The following AKAP8 variants were observed in gnomAD, a reference collection of about 807,000 sequenced individuals.
AKAP8 encodes A-kinase anchor protein 8.
A neutral mutation model predicts 67.5 loss-of-function variants in AKAP8; 24 were observed. The observed-to-expected ratio is 0.36, with a 90% confidence interval of 0.26 to 0.50. The LOEUF (loss-of-function observed/expected upper bound fraction) is 0.50. Among genes scored for constraint, AKAP8 ranks in the 20% least tolerant of loss-of-function variants. The pLI is 0.97. For missense variants in AKAP8, 971 were observed against 955.9 expected (o/e 1.02, Z -0.21); for synonymous variants, 400 against 371.1 (o/e 1.08, Z -0.90).
At chr19:15,363,041 C>T (rs1325919655) in intron 9 of AKAP8, among the ~76,000 whole-genome samples, 1 of 151,746 alleles carries the variant, frequency 6.6e-6, no homozygotes, top group African/African-American at 2.4e-5. Flanking sequence ...GCGTCTCTGC[C>T]TGGCCGCCCT....
chr19:15,378,673 T>C lies in AKAP8; in HGVS notation c.19+1040A>G, dbSNP rs545486056. On this transcript the variant is annotated intron_variant, in intron 1 of 13. Coordinates refer to ENST00000269701, the MANE Select transcript of AKAP8 (RefSeq NM_005858.4). The stretch of plus-strand genomic sequence containing the variant: ...TTCTGGTGCTGGGATACTTTTGCCC[T>C]GCCACTTCTCAAGATCGACAACTTC... 5.3e-5 allele frequency among the ~76,000 whole-genome samples: 8 copies of C among 152,320 alleles called. No homozygotes were observed. In the South Asian group the frequency reaches 8.3e-4, roughly 16 times the overall value.
chr19:15,366,147 G>A (rs1249361454), intron 9 of AKAP8, among the ~76,000 whole-genome samples: 80 of 22,172 alleles, frequency 3.6e-3, no homozygotes, highest in East Asian at 0.015. Flanking sequence ...TGAAAAAAAA[G>A]CAAAAAGAAA....
chr19:15,363,408 G>A (rs1400937648), intron 9 of AKAP8, among the ~76,000 whole-genome samples: 9 of 143,468 alleles, frequency 6.3e-5, no homozygotes, highest in Non-Finnish European at 1.1e-4. Flanking sequence ...AGTGAGGGGC[G>A]CCTCTGCCCG....
At chr19:15,370,625 CTTTTT>C (rs71176407) in intron 7 of AKAP8, among the ~76,000 whole-genome samples, 1 of 80,966 alleles carries the variant, frequency 1.2e-5, no homozygotes, top group Non-Finnish European at 2.2e-5. Context: ...TACCCAATGT[CTTTTT>C]TTTTTTTTTT....
chr19:15,377,343 G>A (rs1211038411), intron 1 of AKAP8, among the ~76,000 whole-genome samples: 2 of 152,160 alleles, frequency 1.3e-5, no homozygotes, highest in Admixed American at 6.5e-5. Context: ...TCAGCATGAG[G>A]ACACGTTCCC....
chr19:15,362,327 G>A, intron 9 of AKAP8, 76 bp from the exon 10 acceptor site: 1 of 1,522,502 alleles, frequency 6.6e-7, no homozygotes, highest in East Asian at 2.3e-5. Context: ...GCTCACCTCT[G>A]AGGAGAGCTG....
At chr19:15,361,533 T>A (rs1319353202) in intron 11 of AKAP8, 196 bp downstream of exon 11, 4 of 488,638 alleles carry the variant, frequency 8.2e-6, no homozygotes, top group Non-Finnish European at 1.5e-5. Flanking sequence ...TGTATTTTTT[T>A]AGTAGAGACG....
intron 9 of AKAP8, among the ~76,000 whole-genome samples, chr19:15,366,821 C>G (rs967643278): frequency 6.6e-6 from 1 of 152,142 alleles, no homozygotes; most frequent in East Asian, 1.9e-4. Context: ...GTTGGTCAGG[C>G]TGGTCTCGAA....
chr19:15,366,234 A>C (rs79489693), intron 9 of AKAP8, among the ~76,000 whole-genome samples: 2,498 of 150,894 alleles, frequency 0.017, 64 homozygotes, highest in African/African-American at 0.057. Flanking sequence ...AGGCCAACGC[A>C]GGAAGATCTC....
chr19:15,377,884 T>C (rs1400493616), intron 1 of AKAP8, among the ~76,000 whole-genome samples: 4 of 152,180 alleles, frequency 2.6e-5, no homozygotes, highest in African/African-American at 7.2e-5. Flanking sequence ...CCGCCCACTA[T>C]GGCATCTGTC....
chr19:15,358,515 C>T (rs1966914357), intron 13 of AKAP8, among the ~76,000 whole-genome samples: 1 of 151,982 alleles, frequency 6.6e-6, no homozygotes, highest in South Asian at 2.1e-4. Context: ...CCCGGTTCCC[C>T]GCTTTCCTTT....
chr19:15,373,653 G>A lies in AKAP8; in HGVS notation c.371+133C>T, dbSNP rs964867632. On this transcript the variant is annotated intron_variant, in intron 4 of 13. Transcript: ENST00000269701. ...TACTGTAACATCACTGACCCCCCAC[G>A]AGCCCAACTCGTCAATGCCACACCC... The A allele has an allele frequency of 3.0e-5, 35 of 1,171,134 alleles. 1 individual carries two copies. Among genetic ancestry groups the A allele is most frequent in the Non-Finnish European group, 3.6e-5 (31 of 858,180 alleles). The allele number at this position is 1,171,134 out of a possible 1,614,324, so 72.5% of individuals were successfully genotyped here.
At chr19:15,372,090 C>T in intron 6 of AKAP8, 92 bp from the exon 7 acceptor site, 1 of 1,608,642 alleles carries the variant, frequency 6.2e-7, no homozygotes, top group South Asian at 1.1e-5. Context: ...GGTGAGTCTG[C>T]CCTGACCACA....
intron 12 of AKAP8, 89 bp downstream of exon 12, chr19:15,360,759 A>C: frequency 6.8e-7 from 1 of 1,470,506 alleles, no homozygotes; most frequent in South Asian, 1.4e-5. Context: ...AGAACCCCTA[A>C]AGATGTTGTT....
chr19:15,374,604 T>A lies in AKAP8; in HGVS notation c.90A>T (p.Gln30His). The A allele has an allele frequency of 6.3e-7, 1 of 1,593,202 alleles. No homozygotes were observed. The highest frequency in any genetic ancestry group is 1.1e-5 in the South Asian group (1 of 90,752). Residue 30 changes from glutamine (Q) to histidine (H), a missense_variant and splice_region_variant, in exon 3 of 14, where the codon CAA becomes CAT. By Grantham distance (24) the Gln-to-His change is conservative (BLOSUM62 0). Around this residue, in one of 3 missense-constraint regions of AKAP8, gnomAD observed 763 missense variants for 745.4 expected, o/e 1.02. Coordinates refer to ENST00000269701, the MANE Select transcript of AKAP8 (RefSeq NM_005858.4). Reference sequence around the variant, plus strand: ...GACCCCCCCCACAGAAGGGCTTACCTTGCCAGCTGGCCACACCAGTTCCAT... The same window carrying A: ...GACCCCCCCCACAGAAGGGCTTACCATGCCAGCTGGCCACACCAGTTCCAT... Reference protein sequence around the residue: ...GAYGTGVASWQGYENYNYYGA... With the variant: ...GAYGTGVASWHGYENYNYYGA...
At chr19:15,356,888 T>C (rs1966891664) in intron 13 of AKAP8, among the ~76,000 whole-genome samples, 1 of 152,176 alleles carries the variant, frequency 6.6e-6, no homozygotes, top group Middle Eastern at 3.4e-3. Context: ...TCCAACACTT[T>C]GGGAGGCGGA....
At chr19:15,375,326 C>T (rs976485865) in intron 2 of AKAP8, among the ~76,000 whole-genome samples, 2 of 152,342 alleles carry the variant, frequency 1.3e-5, no homozygotes, top group Admixed American at 6.5e-5. Flanking sequence ...CAGCCCACTT[C>T]CCGCCTTGGC....
intron 1 of AKAP8, 155 bp downstream of exon 1, chr19:15,379,558 G>A (rs770265993): frequency 2.6e-6 from 2 of 782,640 alleles, no homozygotes; most frequent in South Asian, 2.2e-5. Flanking sequence ...AAAGCCCAAT[G>A]AGCGGCGCGC....
chr19:15,356,939 G>A (rs1966892081), intron 13 of AKAP8, among the ~76,000 whole-genome samples: 1 of 152,030 alleles, frequency 6.6e-6, no homozygotes, highest in Non-Finnish European at 1.5e-5. Context: ...GACCATCCTG[G>A]CTAACACAGT....
Sources: gnomAD v4.1 joint callset for allele counts (sites outside exome capture counted in the v4.1 genomes callset) on GRCh38, gnomAD v4.1.1 for gene constraint, gnomAD v4.1.1 regional missense constraint, MANE v1.5 for transcripts, NCBI Gene and HGNC (gene_info 2026-07-23, HGNC 2026-07-21) for gene names.